TBCE: variants seen among roughly 807,000 people sequenced by gnomAD.
TBCE encodes the protein tubulin folding cofactor E, also known as tubulin-specific chaperone E.
In TBCE, 53 loss-of-function variants were observed where a neutral mutation model predicts 77.0. The observed-to-expected ratio is 0.69, with a 90% CI of 0.55 to 0.87. TBCE has a LOEUF of 0.87. TBCE is among the 40% of genes least tolerant of loss of function. The pLI is 0.00. For synonymous variants in TBCE, 235 were observed against 241.3 expected (o/e 0.97, Z 0.24); for missense variants, 624 against 622.4 (o/e 1.00, Z -0.03).
chr1:235,424,725 G>A lies in TBCE; in HGVS notation c.461-2415G>A, dbSNP rs536844773. 4.8e-4 allele frequency among the ~76,000 whole-genome samples: 73 copies of A among 152,022 alleles called. 1 individual carries two copies. The highest frequency in any genetic ancestry group is 1.5e-3 in the African/African-American group (62 of 41,476). On this transcript the variant is annotated intron_variant, in intron 5 of 16. Coordinates refer to ENST00000642610, the MANE Select transcript of TBCE (RefSeq NM_003193.5). ...TCTCCATGTTGGTCAGGCTGGTCTC[G>A]AACCCCCGACCTCAGGTGATCCGCC...
Position 235,441,856 on chromosome 1 carries a change from C to A in TBCE, c.1313C>A (p.Pro438Gln). 6.2e-7 allele frequency: 1 copy of A among 1,614,016 alleles called. No homozygotes were observed. The highest frequency in any genetic ancestry group is 8.5e-7 in the Non-Finnish European group (1 of 1,179,992). The stretch of plus-strand genomic sequence containing the variant: ...GATTGGGAACTCAAAACACAGCAAC[C>A]ACTTATGCTGAAAAACCAGCTACTA... ...PEDWELKTQQ[P>Q]LMLKNQLLTL... The change falls in exon 14 of 17, where the codon CCA becomes CAA. Residue 438 changes from proline to glutamine, a missense_variant. Coordinates refer to ENST00000642610, the MANE Select transcript of TBCE (RefSeq NM_003193.5).
In TBCE at chr1:235,449,215, A is replaced by AT. The variant is rs1455424878; in HGVS notation, c.*454dup. 2 of 216,158 alleles carry AT rather than the reference A, an allele frequency of 9.3e-6. No homozygotes were observed. The highest frequency in any genetic ancestry group is 2.4e-4 in the East Asian group (2 of 8,338). 13.4% of individuals were successfully genotyped at this position (216,158 alleles called of 1,614,324 possible). On this transcript the variant is annotated 3_prime_UTR_variant, in exon 17 of 17. Transcript: ENST00000642610. ...CTTGGGGAGACATCCTCTACTATGT[A>AT]TAACAATATGCTATTATCTGTCTTC...
At chr1:235,397,314 G>T (rs1410040456) in intron 2 of TBCE, among the ~76,000 whole-genome samples, 3 of 150,692 alleles carry the variant, frequency 2.0e-5, no homozygotes, top group Non-Finnish European at 4.4e-5. Context: ...CCATTCTCCT[G>T]CTTCAGCCTC....
rs386370043 is a variant in TBCE, at chr1:235,394,418, CTTT to C, written c.101-7062_101-7060del. On this transcript the variant is annotated intron_variant, in intron 2 of 16. Transcript: ENST00000642610. ...GACATTTGATAATTTTTGATAATTT[CTTT>C]TTTTTTTTTTTTTTTTTTTTTTGAG... is the stretch of plus-strand genomic sequence containing the variant. 4.9e-3 allele frequency among the ~76,000 whole-genome samples: 351 copies of C among 72,294 alleles called. 1 individual carries two copies. The highest frequency in any genetic ancestry group is 0.019 in the African/African-American group (338 of 18,234). The allele number at this position is 72,294 out of a possible 152,430, so 47.4% of individuals were successfully genotyped here.
chr1:235,428,748 A>G lies in TBCE; in HGVS notation c.560+1509A>G, dbSNP rs867500799. 2.5e-3 allele frequency among the ~76,000 whole-genome samples: 377 copies of G among 150,818 alleles called. 2 individuals are homozygous for G. The Middle Eastern group carries it at 0.027, about 11-fold the overall frequency. On this transcript the variant is annotated intron_variant, in intron 6 of 16. Coordinates refer to ENST00000642610, the MANE Select transcript of TBCE (RefSeq NM_003193.5). Reference sequence around the variant, plus strand: ...AACCTCTGCCTCCCGGGTTTGAGCGATTCTGCTGCCTCAGCCTCCTGAGTA... The same window carrying G: ...AACCTCTGCCTCCCGGGTTTGAGCGGTTCTGCTGCCTCAGCCTCCTGAGTA...
chr1:235,399,257 G>A (rs1678936979), intron 2 of TBCE, among the ~76,000 whole-genome samples: 1 of 152,172 alleles, frequency 6.6e-6, no homozygotes, highest in Admixed American at 6.6e-5. Context: ...GCCTAGAGAT[G>A]ATTATTTTTA....
chr1:235,384,682 T>A (rs1227030027), intron 2 of TBCE, among the ~76,000 whole-genome samples: 1 of 152,054 alleles, frequency 6.6e-6, no homozygotes, highest in African/African-American at 2.4e-5. Context: ...TCATTTTTTA[T>A]TGCGTCTATT....
At chr1:235,400,540 A>G (rs776300217) in intron 2 of TBCE, among the ~76,000 whole-genome samples, 4 of 149,818 alleles carry the variant, frequency 2.7e-5, no homozygotes, top group Non-Finnish European at 5.9e-5. Flanking sequence ...AGCTGGGGCT[A>G]TAGGCGCTCG....
intron 15 of TBCE, among the ~76,000 whole-genome samples, chr1:235,447,522 A>C (rs918570205): frequency 2.0e-5 from 3 of 152,238 alleles, no homozygotes; most frequent in African/African-American, 7.2e-5. Flanking sequence ...ACAGTTACAC[A>C]TGATGTAATT....
At chr1:235,380,258 A>G (rs1289876269) in intron 2 of TBCE, 109 bp downstream of exon 2, 12 of 1,102,136 alleles carry the variant, frequency 1.1e-5, no homozygotes, top group Non-Finnish European at 1.6e-5. Flanking sequence ...AGCACTTTAT[A>G]CCACAAATTT....
At chr1:235,386,766 A>C (rs1251319102) in intron 2 of TBCE, among the ~76,000 whole-genome samples, 1 of 151,530 alleles carries the variant, frequency 6.6e-6, no homozygotes, top group Non-Finnish European at 1.5e-5. Context: ...AGCTCGGAGT[A>C]GTTTGATCGT....
Position 235,407,188 on chromosome 1 carries a change from C to G in TBCE, c.185+5601C>G, listed in dbSNP as rs566331849. Among the ~76,000 whole-genome samples the G allele has an allele frequency of 9.0e-5, 13 of 144,918 alleles. No homozygotes were observed. The South Asian group carries it at 2.4e-3, about 27-fold the overall frequency. ...TTGCTCTGTCACCCAGGTAGTAGTA[C>G]AGTGGCACAATCATGGCTCGTTGCA... On this transcript the variant is annotated intron_variant, in intron 3 of 16. Coordinates refer to ENST00000642610, the MANE Select transcript of TBCE (RefSeq NM_003193.5).
rs1558373083 is a variant in TBCE at position 235,414,617 on chromosome 1, AG to A, written c.371+1del. The part of the protein sequence containing the change: ...IGFDSIMKQQ[S>X]QLSKLQEVSL... Reference sequence around the variant, plus strand: ...TTTTGACTCTATTATGAAACAGCAAAGGTAAGTGGAGTTTATAACGGCAGAG... The same window carrying A: ...TTTTGACTCTATTATGAAACAGCAAAGTAAGTGGAGTTTATAACGGCAGAG... On this transcript the variant is annotated frameshift_variant and splice_region_variant, in exon 4 of 17. Coordinates refer to ENST00000642610, the MANE Select transcript of TBCE (RefSeq NM_003193.5). LOFTEE classifies it high-confidence loss of function. 6.2e-7 allele frequency: 1 copy of A among 1,613,470 alleles called. No homozygotes were observed.
intron 5 of TBCE, 115 bp downstream of exon 5, chr1:235,419,676 A>G (rs1440803994): frequency 1.4e-6 from 2 of 1,440,560 alleles, no homozygotes; most frequent in South Asian, 2.4e-5. Context: ...TTCCTAATGC[A>G]GTTCAGTTTT....
At chr1:235,407,717 C>T (rs985521105) in intron 3 of TBCE, among the ~76,000 whole-genome samples, 2 of 152,144 alleles carry the variant, frequency 1.3e-5, no homozygotes, top group African/African-American at 4.8e-5. Flanking sequence ...TCAACTTTCC[C>T]AAGATTTATC....
At chr1:235,381,743 T>C (rs1377154032) in intron 2 of TBCE, among the ~76,000 whole-genome samples, 1 of 150,486 alleles carries the variant, frequency 6.6e-6, no homozygotes, top group Non-Finnish European at 1.5e-5. Flanking sequence ...ATTGGCCTGA[T>C]TATTTGTATA....
At chr1:235,444,552 A>C (rs1682116735) in intron 15 of TBCE, among the ~76,000 whole-genome samples, 1 of 152,122 alleles carries the variant, frequency 6.6e-6, no homozygotes, top group Non-Finnish European at 1.5e-5. Context: ...TATAGGCACG[A>C]ACCACCACAC....
At chr1:235,372,541 GA>G (rs1227636415) in intron 1 of TBCE, among the ~76,000 whole-genome samples, 2 of 152,072 alleles carry the variant, frequency 1.3e-5, no homozygotes, top group African/African-American at 4.8e-5. Flanking sequence ...TAGCACTTTG[GA>G]AGGCTGAGAC....
intron 5 of TBCE, among the ~76,000 whole-genome samples, chr1:235,424,106 T>C (rs1158477766): frequency 1.3e-5 from 2 of 152,166 alleles, no homozygotes; most frequent in Non-Finnish European, 2.9e-5. Context: ...TGCAATGATA[T>C]GGATTTTGGA....
Sources: gnomAD v4.1 joint callset for allele counts (sites outside exome capture counted in the v4.1 genomes callset) on GRCh38, gnomAD v4.1.1 for gene constraint, MANE v1.5 for transcripts, NCBI Gene and HGNC (gene_info 2026-07-23, HGNC 2026-07-21) for gene names.